C1QTNF6: variants seen among roughly 807,000 people sequenced by gnomAD.
C1QTNF6 encodes the protein C1q and TNF related 6.
Under a neutral mutation model 20.7 loss-of-function variants are expected in C1QTNF6, and 17 were observed. That is an observed-to-expected ratio of 0.82 (90% confidence interval 0.56 to 1.23). The LOEUF is 1.23. Among genes scored for constraint, C1QTNF6 ranks in the 50% most tolerant of loss-of-function variants. The pLI is 0.00. For synonymous variants in C1QTNF6, 130 were observed against 156.3 expected (o/e 0.83, Z 1.25); for missense variants, 329 against 389.7 (o/e 0.84, Z 1.31).
chr22:37,191,278 A>G, upstream of C1QTNF6, among the ~76,000 whole-genome samples: 1 of 152,292 alleles, frequency 6.6e-6, no homozygotes, highest in Middle Eastern at 3.4e-3. Context: ...TAACAATTAT[A>G]ATTATTATTG....
At chr22:37,198,656 G>A (rs1191959420), upstream of C1QTNF6, among the ~76,000 whole-genome samples, 3 of 151,962 alleles carry the variant, frequency 2.0e-5, no homozygotes, top group African/African-American at 7.3e-5. Context: ...CAGAGCCCCC[G>A]CGCCCGGGAA....
At chr22:37,189,970 G>C (rs1331519984), upstream of C1QTNF6, among the ~76,000 whole-genome samples, 1 of 152,204 alleles carries the variant, frequency 6.6e-6, no homozygotes, top group Non-Finnish European at 1.5e-5. Flanking sequence ...GGAGTTGCTA[G>C]ACGATTCCAA....
chr22:37,185,179 C>T (rs1301475922), intron 2 of C1QTNF6, 39 bp downstream of exon 2: 1 of 1,509,734 alleles, frequency 6.6e-7, no homozygotes, highest in Non-Finnish European at 8.9e-7. Context: ...CTCCCTGGCC[C>T]TCCCTGCCCA....
intron 1 of C1QTNF6, chr22:37,196,909 T>G (rs184793833): frequency 1.3e-5 from 2 of 152,328 alleles, no homozygotes; most frequent in Admixed American, 1.3e-4. Context: ...CCAATTTATT[T>G]GGGGGGATAA....
intron 2 of C1QTNF6, 47 bp downstream of exon 2, chr22:37,185,171 C>T (rs746937004): frequency 2.7e-6 from 4 of 1,509,260 alleles, no homozygotes; most frequent in African/African-American, 2.8e-5. Context: ...CACCTCAGCT[C>T]CCTGGCCCTC....
chr22:37,188,187 C>T lies in C1QTNF6; in HGVS notation c.27G>A (p.Ser9=), dbSNP rs749804810. MQWLRVRE[S]PGEATGHRVT... ...CCCTGTGTCCTGTGGCCTCCCCAGGCGACTCACGGACCCTGAGCCACTGCA... is the reference window on the plus strand; with the variant it reads ...CCCTGTGTCCTGTGGCCTCCCCAGGTGACTCACGGACCCTGAGCCACTGCA... Residue 9 remains serine, a synonymous_variant, in exon 1 of 3, where the codon TCG becomes TCA. Transcript: ENST00000337843. 8.1e-6 allele frequency: 13 copies of T among 1,609,480 alleles called. No homozygotes were observed. In the East Asian group the frequency reaches 9.0e-5, roughly 11 times the overall value.
rs201178136 is a variant in C1QTNF6 at position 37,182,268 on chromosome 22, G to T, written c.757C>A (p.Arg253Ser). 12 of 1,614,086 alleles carry T rather than the reference G, an allele frequency of 7.4e-6. No homozygotes were observed. The highest frequency in any genetic ancestry group is 2.5e-6 in the Non-Finnish European group (3 of 1,180,040). The change falls in exon 3 of 3, where the codon CGC becomes AGC. Residue 253 changes from arginine (R) to serine (S), a missense_variant. Physicochemically the swap from Arg to Ser is moderately radical, Grantham distance 110. Transcript: ENST00000337843. ...RVWVRLFKRQ[R>S]ENAIYSNDFD... ...TCGTTGCTGTAGATGGCGTTCTCGC[G>T]CTGGCGCTTGAAGAGCCGCACCCAG...
At chr22:37,198,996 A>C (rs967947880), upstream of C1QTNF6, among the ~76,000 whole-genome samples, 1 of 152,200 alleles carries the variant, frequency 6.6e-6, no homozygotes, top group Admixed American at 6.5e-5. Context: ...CATGTTTTAC[A>C]AAAGGGGAAA....
chr22:37,187,571 CT>C lies in C1QTNF6; in HGVS notation c.51+591del. On this transcript the variant is annotated intron_variant, in intron 1 of 2. Transcript: ENST00000337843. Reference sequence around the variant, plus strand: ...GGAAAAGTGCCTGCCTTATAAAAGACTTAAAAAAAAAAAAAAAAGTGTGCTT... The same window carrying C: ...GGAAAAGTGCCTGCCTTATAAAAGACTAAAAAAAAAAAAAAAAGTGTGCTT... Among the ~76,000 whole-genome samples the C allele has an allele frequency of 5.6e-5, 3 of 53,544 alleles. No homozygotes were observed. In the Admixed American group the frequency reaches 5.8e-4, roughly 10 times the overall value. The allele number at this position is 53,544 out of a possible 152,430, so 35.1% of individuals were successfully genotyped here.
chr22:37,189,922 G>A (rs2145776372), upstream of C1QTNF6, among the ~76,000 whole-genome samples: 1 of 152,302 alleles, frequency 6.6e-6, no homozygotes, highest in South Asian at 2.1e-4. Context: ...AGGAGGTTAG[G>A]CATTCTTAGT....
chr22:37,195,468 A>G (rs1334600157), intron 1 of C1QTNF6: 2 of 152,146 alleles, frequency 1.3e-5, no homozygotes, highest in Admixed American at 6.5e-5. Flanking sequence ...ACTAGAAAAA[A>G]TGGTACTGGA....
Sources: gnomAD v4.1 joint callset for allele counts (sites outside exome capture counted in the v4.1 genomes callset) on GRCh38, gnomAD v4.1.1 for gene constraint, MANE v1.5 for transcripts, NCBI Gene and HGNC (gene_info 2026-07-23, HGNC 2026-07-21) for gene names.